CUX1: variants seen among roughly 807,000 people sequenced by gnomAD.
CUX1 encodes the protein cut like homeobox 1.
CUX1 carries 31 observed loss-of-function variants against 158.8 expected under a neutral mutation model. The ratio of observed to expected loss-of-function variants is 0.20; its 90% CI spans 0.15 to 0.26. The LOEUF (loss-of-function observed/expected upper bound fraction) is 0.26. Ranked by LOEUF, CUX1 falls within the 10% of genes least tolerant of loss-of-function variation. The pLI is 1.00. For missense variants in CUX1, 1,589 were observed against 2,014.6 expected (o/e 0.79, Z 4.04); for synonymous variants, 879 against 862.1 (o/e 1.02, Z -0.34).
intron 2 of CUX1, among the ~76,000 whole-genome samples, chr7:101,928,853 G>A (rs1319915999): frequency 6.8e-6 from 1 of 147,212 alleles, no homozygotes; most frequent in African/African-American, 2.5e-5. Context: ...TGTATTTTTA[G>A]TAGAGACGGG....
intron 18 of CUX1, among the ~76,000 whole-genome samples, chr7:102,203,890 T>C (rs1461745597): frequency 6.6e-6 from 1 of 152,190 alleles, no homozygotes; most frequent in Admixed American, 6.5e-5. Context: ...TTGATCAGGA[T>C]GTGGTCAGAA....
At chr7:102,269,125 TG>T (rs1554545667) in intron 14 of CUX1, among the ~76,000 whole-genome samples, 4 of 21,218 alleles carry the variant, frequency 1.9e-4, no homozygotes, top group Non-Finnish European at 3.6e-4. Context: ...TTTTTTTGTT[TG>T]TTTGTTTGTT....
At chr7:102,009,310 T>C (rs1228794177) in intron 2 of CUX1, among the ~76,000 whole-genome samples, 1 of 152,034 alleles carries the variant, frequency 6.6e-6, no homozygotes, top group African/African-American at 2.4e-5. Flanking sequence ...CAAATGATGG[T>C]GTTAGGATCC....
chr7:102,081,115 T>A (rs782016455), intron 4 of CUX1, among the ~76,000 whole-genome samples: 1 of 152,206 alleles, frequency 6.6e-6, no homozygotes, highest in African/African-American at 2.4e-5. Context: ...TCTTCCTCCT[T>A]AGACTTTTGT....
intron 14 of CUX1, among the ~76,000 whole-genome samples, chr7:102,196,267 T>C (rs1415371567): frequency 6.6e-6 from 1 of 152,216 alleles, no homozygotes; most frequent in Non-Finnish European, 1.5e-5. Context: ...TGTCAGTGTT[T>C]GCTGCTCCTC....
intron 2 of CUX1, among the ~76,000 whole-genome samples, chr7:101,976,074 A>T (rs146917286): frequency 0.025 from 3,786 of 151,910 alleles, 77 homozygotes; most frequent in Non-Finnish European, 0.034. Flanking sequence ...TGAAGATTGC[A>T]GTGAGCCGAG....
intron 4 of CUX1, among the ~76,000 whole-genome samples, chr7:102,082,254 G>A (rs1482970390): frequency 1.4e-5 from 2 of 146,882 alleles, no homozygotes; most frequent in Non-Finnish European, 3.1e-5. Flanking sequence ...GGCCAGGCAC[G>A]GTGGCTCACG....
intron 3 of CUX1, among the ~76,000 whole-genome samples, chr7:102,056,270 CCTT>C (rs762026858): frequency 1.8e-4 from 28 of 152,288 alleles, no homozygotes; most frequent in Middle Eastern, 3.4e-3. Flanking sequence ...GGTAAAATAA[CCTT>C]CTCTTGGAAG....
At chr7:102,033,032 C>T (rs545025925) in intron 3 of CUX1, among the ~76,000 whole-genome samples, 2 of 152,312 alleles carry the variant, frequency 1.3e-5, no homozygotes, top group African/African-American at 4.8e-5. Flanking sequence ...GGGGCTGGCT[C>T]AGAGAACCTC....
rs186506457 is a variant in CUX1, at chr7:101,918,422, C to T, written c.141+2197C>T. Among the ~76,000 whole-genome samples the T allele has an allele frequency of 9.2e-5, 14 of 152,352 alleles. No individual in the cohort carries two copies. The East Asian group carries it at 2.3e-3, about 25-fold the overall frequency. On this transcript the variant is annotated intron_variant, in intron 2 of 23. Coordinates refer to ENST00000292535, the MANE Select transcript of CUX1 (RefSeq NM_181552.4). The stretch of plus-strand genomic sequence containing the variant: ...CCACTTGGGGCATTTCTTCTCAGGA[C>T]ACATTTTTAGACTCTGTCTTCATGG...
In CUX1 at chr7:102,248,741, C is replaced by A; in HGVS notation, c.4217C>A (p.Ala1406Asp). 9.3e-7 allele frequency: 1 copy of A among 1,074,558 alleles called. No individual in the cohort carries two copies. The highest frequency in any genetic ancestry group is 3.6e-5 in the South Asian group (1 of 27,744). The allele number at this position is 1,074,558 out of a possible 1,614,324, so 66.6% of individuals were successfully genotyped here. A position where few individuals can be genotyped will look rare whatever the true frequency, so the allele number is the denominator to read the frequency against. Reference protein sequence around the residue: ...VEGPGPLPSPASATATAAPAA... With the variant: ...VEGPGPLPSPDSATATAAPAA... Reference sequence around the variant, plus strand: ...GGCCCGGGGCCCCTGCCCAGCCCCGCCTCCGCGACCGCCACCGCCGCGCCC... The same window carrying A: ...GGCCCGGGGCCCCTGCCCAGCCCCGACTCCGCGACCGCCACCGCCGCGCCC... The change falls in exon 24 of 24, where the codon GCC becomes GAC. Residue 1406 changes from alanine to aspartate, a missense_variant. Physicochemically the swap from Ala to Asp is moderately radical, Grantham distance 126 (BLOSUM62 -2). This residue lies in a region of CUX1 where 344 missense variants were observed against 323.7 expected (regional missense o/e 1.06). Transcript: ENST00000292535. This position sits in a 1 kb window ranked among gnomAD's most constrained non-coding sequence, Gnocchi z 5.8.
intron 1 of CUX1, among the ~76,000 whole-genome samples, chr7:101,912,463 C>T (rs1040338902): frequency 2.8e-4 from 42 of 152,216 alleles, no homozygotes; most frequent in South Asian, 8.3e-4. Context: ...CATTTGTGTA[C>T]GCACTCGTTC....
intron 8 of CUX1, among the ~76,000 whole-genome samples, chr7:102,140,849 A>G (rs1393991475): frequency 6.7e-6 from 1 of 149,478 alleles, no homozygotes; most frequent in Non-Finnish European, 1.5e-5. Context: ...TGGGGGATGG[A>G]GCGAGACTTC....
At chr7:102,127,008 C>A (rs1253926149) in intron 8 of CUX1, among the ~76,000 whole-genome samples, 1 of 152,118 alleles carries the variant, frequency 6.6e-6, no homozygotes, top group Non-Finnish European at 1.5e-5. Context: ...AGGGTTTGCA[C>A]TCCTATGAGA....
chr7:102,072,335 C>T (rs375172489), intron 4 of CUX1, among the ~76,000 whole-genome samples: 12 of 152,268 alleles, frequency 7.9e-5, no homozygotes, highest in African/African-American at 2.4e-4. Flanking sequence ...CAGAAAGCAA[C>T]CAACCAGAGG....
At chr7:102,151,598 T>A (rs898336870) in intron 8 of CUX1, among the ~76,000 whole-genome samples, 4 of 151,690 alleles carry the variant, frequency 2.6e-5, no homozygotes, top group African/African-American at 9.7e-5. Context: ...TGATTGGGTG[T>A]GCCTGTAATT....
In CUX1 at chr7:102,228,628, A is replaced by G. The variant is rs952927717; in HGVS notation, c.3433+959A>G. Among the ~76,000 whole-genome samples the G allele has an allele frequency of 7.4e-4, 113 of 152,220 alleles. 1 individual carries two copies. Among genetic ancestry groups the G allele is most frequent in the African/African-American group, 2.7e-3 (112 of 41,550 alleles). ...AACCTGGGCAGCATGGCAAAACCCTATCTCTACAAAAAATGTAAAAATTAG... is the reference window on the plus strand; with the variant it reads ...AACCTGGGCAGCATGGCAAAACCCTGTCTCTACAAAAAATGTAAAAATTAG... On this transcript the variant is annotated intron_variant, in intron 21 of 23. Coordinates refer to ENST00000292535, the MANE Select transcript of CUX1 (RefSeq NM_181552.4).
chr7:102,156,558 C>T (rs1179440348), intron 8 of CUX1, among the ~76,000 whole-genome samples: 1 of 152,202 alleles, frequency 6.6e-6, no homozygotes, highest in Non-Finnish European at 1.5e-5. Flanking sequence ...ACCCAAACAC[C>T]TCCCTCTAGA....
At position 102,257,830 on chromosome 7, in the gene CUX1, A is replaced by G; in HGVS notation, c.*8788A>G. ...TGTTTGTTCATCCTCACAATCACAG[A>G]TTTTTTTCTCCAATCCTCACAGAGA... On this transcript the variant is annotated 3_prime_UTR_variant, in exon 24 of 24. Coordinates refer to ENST00000292535, the MANE Select transcript of CUX1 (RefSeq NM_181552.4). 3.1e-6 allele frequency: 3 copies of G among 982,646 alleles called. No individual in the cohort carries two copies. Among genetic ancestry groups the G allele is most frequent in the Non-Finnish European group, 2.4e-6 (2 of 829,584 alleles). The allele number at this position is 982,646 out of a possible 1,614,324, so 60.9% of individuals were successfully genotyped here.
Sources: gnomAD v4.1 joint callset for allele counts (sites outside exome capture counted in the v4.1 genomes callset) on GRCh38, gnomAD v4.1.1 for gene constraint, gnomAD v4.1.1 regional missense constraint, Gnocchi (gnomAD v3.1) non-coding constraint, MANE v1.5 for transcripts, NCBI Gene and HGNC (gene_info 2026-07-23, HGNC 2026-07-21) for gene names.